RSPO2: variants seen among roughly 807,000 people sequenced by gnomAD.
The protein encoded by RSPO2 is R-spondin 2, also known as R-spondin-2.
In RSPO2, 14 loss-of-function variants were observed where a neutral mutation model predicts 30.9. The ratio of observed to expected loss-of-function variants is 0.45; its 90% CI spans 0.30 to 0.71. RSPO2 has a LOEUF of 0.71. Among genes scored for constraint, RSPO2 ranks in the 30% least tolerant of loss-of-function variants. The pLI is 0.08. For missense variants in RSPO2, 264 were observed against 301.9 expected, an observed-to-expected ratio of 0.87 and a Z score of 0.93; for synonymous variants, 107 against 96.4, an observed-to-expected ratio of 1.11 and a Z score of -0.64.
At chr8:107,921,277 T>TACACAC (rs71308759) in intron 5 of RSPO2, among the ~76,000 whole-genome samples, 1,600 of 148,826 alleles carry the variant, frequency 0.011, 24 homozygotes, top group African/African-American at 0.037. Context: ...TAGCAGATTT[T>TACACAC]ACACACACAC....
chr8:108,017,154 C>A (rs1466563429), intron 2 of RSPO2, among the ~76,000 whole-genome samples: 1 of 151,746 alleles, frequency 6.6e-6, no homozygotes, highest in Non-Finnish European at 1.5e-5. Context: ...GTAGCTGGGA[C>A]TACAGGCGCC....
Position 108,053,213 on chromosome 8 carries a change from A to ACAGTTAG in RSPO2, c.94+29325_94+29331dup, listed in dbSNP as rs567662978. Among the ~76,000 whole-genome samples the ACAGTTAG allele has an allele frequency of 8.1e-4, 124 of 152,272 alleles. 1 individual carries two copies. The South Asian group carries it at 0.025, about 31-fold the overall frequency. On this transcript the variant is annotated intron_variant, in intron 2 of 5. Coordinates refer to ENST00000276659, the MANE Select transcript of RSPO2 (RefSeq NM_178565.5). Reference sequence around the variant, plus strand: ...AGAGCTTCTTGGGGAAAAGGCACCCACAGTTAGCAGTGATGCACTCCATAT... The same window carrying ACAGTTAG: ...AGAGCTTCTTGGGGAAAAGGCACCCACAGTTAGCAGTTAGCAGTGATGCACTCCATAT...
intron 2 of RSPO2, among the ~76,000 whole-genome samples, chr8:108,003,942 A>C (rs1188858881): frequency 6.6e-6 from 1 of 152,194 alleles, no homozygotes; most frequent in Non-Finnish European, 1.5e-5. Context: ...TTATACCATA[A>C]TTTAAATTGC....
rs528296819 is a variant in RSPO2 at position 107,922,127 on chromosome 8, A to G, written c.617-20937T>C. ...ACAACCAGGCAAACAAAAGAAGTAC[A>G]GGGCATCCAAATAAAAACAGAGGAA... On this transcript the variant is annotated intron_variant, in intron 5 of 5. Transcript: ENST00000276659. Among the ~76,000 whole-genome samples, 6 of 152,292 alleles carry G rather than the reference A, an allele frequency of 3.9e-5. No individual in the cohort carries two copies. In the East Asian group the frequency reaches 1.2e-3, roughly 29 times the overall value.
chr8:107,953,917 C>T (rs545578101), intron 5 of RSPO2, among the ~76,000 whole-genome samples: 1 of 152,304 alleles, frequency 6.6e-6, no homozygotes, highest in African/African-American at 2.4e-5. Flanking sequence ...TCACTAGCTC[C>T]CTGTCCTACT....
chr8:107,925,455 G>A (rs1812333586), intron 5 of RSPO2, among the ~76,000 whole-genome samples: 1 of 151,712 alleles, frequency 6.6e-6, no homozygotes. Context: ...TGCACAACGT[G>A]CAGGTTTGTT....
At chr8:107,983,467 A>G in intron 3 of RSPO2, 8 of 1,597,962 alleles carry the variant, frequency 5.0e-6, no homozygotes, top group Non-Finnish European at 6.9e-6. Context: ...CCTTTCTCAG[A>G]AGTACAGCCC....
At chr8:107,913,102 T>C (rs1234496877) in intron 5 of RSPO2, among the ~76,000 whole-genome samples, 3 of 152,170 alleles carry the variant, frequency 2.0e-5, no homozygotes, top group African/African-American at 7.2e-5. Flanking sequence ...ATCCCAAATT[T>C]TCAGAAGAAT....
intron 5 of RSPO2, among the ~76,000 whole-genome samples, chr8:107,933,564 G>C (rs1196435222): frequency 6.6e-6 from 1 of 152,018 alleles, no homozygotes; most frequent in Non-Finnish European, 1.5e-5. Flanking sequence ...ACAGATTTCT[G>C]GTGAAGCACA....
At chr8:108,072,426 C>T (rs1280126102) in intron 2 of RSPO2, among the ~76,000 whole-genome samples, 1 of 145,862 alleles carries the variant, frequency 6.9e-6, no homozygotes, top group African/African-American at 2.6e-5. Flanking sequence ...CCCGGGTTCA[C>T]GCCATTCTCC....
rs528789020 is a variant in RSPO2 at position 108,057,043 on chromosome 8, G to A, written c.94+25502C>T. 4.9e-5 allele frequency among the ~76,000 whole-genome samples: 4 copies of A among 81,222 alleles called. No individual in the cohort carries two copies. The South Asian group carries it at 1.4e-3, about 29-fold the overall frequency. 53.3% of individuals were successfully genotyped at this position (81,222 alleles called of 152,430 possible). ...CTGCACTCCAGCCTGGCAACAGAGTGAGACTCTGTCTCAAAAAAAAAAAAA... is the reference window on the plus strand; with the variant it reads ...CTGCACTCCAGCCTGGCAACAGAGTAAGACTCTGTCTCAAAAAAAAAAAAA... On this transcript the variant is annotated intron_variant, in intron 2 of 5. Transcript: ENST00000276659.
intron 5 of RSPO2, among the ~76,000 whole-genome samples, chr8:107,932,727 G>T (rs767411908): frequency 2.0e-4 from 30 of 152,008 alleles, no homozygotes; most frequent in Non-Finnish European, 4.1e-4. Context: ...ACTTCCAATT[G>T]TCTGTCATAA....
intron 3 of RSPO2, among the ~76,000 whole-genome samples, chr8:107,963,733 G>C (rs953541245): frequency 1.3e-5 from 2 of 151,698 alleles, no homozygotes; most frequent in African/African-American, 4.8e-5. Context: ...TCATAGAAAA[G>C]GTTATTACAA....
intron 3 of RSPO2, among the ~76,000 whole-genome samples, chr8:107,981,953 C>T (rs1424269612): frequency 1.5e-5 from 2 of 134,240 alleles, no homozygotes; most frequent in East Asian, 4.4e-4. Flanking sequence ...AGGATCCCTT[C>T]AGCACAGAAG....
intron 5 of RSPO2, among the ~76,000 whole-genome samples, chr8:107,956,460 A>T (rs1813437676): frequency 6.6e-6 from 1 of 152,246 alleles, no homozygotes; most frequent in Admixed American, 6.5e-5. Context: ...TGACAGTATC[A>T]AGTTGTATTC....
intron 2 of RSPO2, among the ~76,000 whole-genome samples, chr8:108,040,918 G>A (rs1811734321): frequency 6.6e-6 from 1 of 152,060 alleles, no homozygotes; most frequent in African/African-American, 2.4e-5. Context: ...AAGAACTGAG[G>A]TATCACTCAA....
chr8:108,069,525 T>TA (rs1812777600), intron 2 of RSPO2, among the ~76,000 whole-genome samples: 1 of 152,190 alleles, frequency 6.6e-6, no homozygotes. Context: ...TCTTTCATTT[T>TA]AAAGAGTAAA....
chr8:108,049,702 G>T (rs1407068324), intron 2 of RSPO2, among the ~76,000 whole-genome samples: 1 of 151,946 alleles, frequency 6.6e-6, no homozygotes, highest in Non-Finnish European at 1.5e-5. Context: ...TGGTTTCCAG[G>T]TTCATCCATG....
chr8:107,991,249 A>AACAC (rs60247229), intron 2 of RSPO2, among the ~76,000 whole-genome samples: 7,504 of 133,374 alleles, frequency 0.056, 335 homozygotes, highest in African/African-American at 0.13. Context: ...CTCCATCTCA[A>AACAC]ACACACACAC....
Sources: allele counts gnomAD v4.1 joint callset (sites outside exome capture counted in the v4.1 genomes callset), GRCh38; gene constraint gnomAD v4.1.1; transcripts MANE v1.5; gene names NCBI Gene and HGNC (gene_info 2026-07-23, HGNC 2026-07-21).